TUB: variants seen among roughly 807,000 people sequenced by gnomAD.
The protein encoded by TUB is TUB bipartite transcription factor.
Under a neutral mutation model 59.7 loss-of-function variants are expected in TUB, and 33 were observed. That is an observed-to-expected ratio of 0.55 (90% CI 0.42 to 0.74). The LOEUF (loss-of-function observed/expected upper bound fraction) is 0.74, where lower values mean the gene tolerates loss of function less well. TUB is among the 30% of genes least tolerant of loss of function. TUB has a pLI of 0.00. For synonymous variants in TUB, 293 were observed against 256.4 expected, an observed-to-expected ratio of 1.14 and a Z score of -1.36; for missense variants, 659 against 672.0, an observed-to-expected ratio of 0.98 and a Z score of 0.21.
chr11:8,047,448 A>T (rs1942852570), intron 2 of TUB, among the ~76,000 whole-genome samples: 1 of 152,196 alleles, frequency 6.6e-6, no homozygotes, highest in Admixed American at 6.5e-5. Context: ...CCCTCAGTGG[A>T]AAGCCATGCA....
At chr11:8,097,082 C>T (rs1944029398) in intron 6 of TUB, 146 bp from the exon 7 acceptor site, 9 of 910,942 alleles carry the variant, frequency 9.9e-6, no homozygotes, top group Non-Finnish European at 3.3e-6. Context: ...TAGCTTCTGA[C>T]CCCAGGCCCA....
At chr11:8,082,100 CTG>C (rs1943580117) in intron 1 of TUB, among the ~76,000 whole-genome samples, 1 of 152,232 alleles carries the variant, frequency 6.6e-6, no homozygotes, top group African/African-American at 2.4e-5. Flanking sequence ...GCCTGCATAT[CTG>C]TGCACGTCCA....
intron 2 of TUB, among the ~76,000 whole-genome samples, chr11:8,070,022 T>C (rs749061027): frequency 1.3e-5 from 2 of 152,176 alleles, no homozygotes; most frequent in African/African-American, 2.4e-5. Flanking sequence ...GTGTTGCTGA[T>C]CGACACTAGC....
In TUB at chr11:8,098,724, G is replaced by A; in HGVS notation, c.999-34G>A. Reference sequence around the variant, plus strand: ...TGTTCCCTGCTCTGGGGCAGAGGGTGCATGACTCTATACTGATTGTGCCTT... The same window carrying A: ...TGTTCCCTGCTCTGGGGCAGAGGGTACATGACTCTATACTGATTGTGCCTT... On this transcript the variant is annotated intron_variant, in intron 8 of 11. Transcript: ENST00000299506. 3.3e-6 allele frequency: 5 copies of A among 1,500,030 alleles called. No homozygotes were observed. In the Middle Eastern group the frequency reaches 5.7e-4, roughly 171 times the overall value. 92.9% of individuals were successfully genotyped at this position (1,500,030 alleles called of 1,614,324 possible).
intron 1 of TUB, chr11:8,039,131 C>A: frequency 7.1e-7 from 1 of 1,407,684 alleles, no homozygotes; most frequent in Non-Finnish European, 9.5e-7. Flanking sequence ...CCAAGGCCTC[C>A]CCTTCCTGAT....
At chr11:8,098,665 G>A (rs1045795494) in intron 8 of TUB, 93 bp from the exon 9 acceptor site, 1 of 912,810 alleles carries the variant, frequency 1.1e-6, no homozygotes, top group Non-Finnish European at 1.7e-6. Context: ...AGCCCAGAAT[G>A]TTTTGCAGGC....
intron 2 of TUB, among the ~76,000 whole-genome samples, chr11:8,042,564 C>A (rs1051454020): frequency 6.6e-6 from 1 of 152,170 alleles, no homozygotes; most frequent in African/African-American, 2.4e-5. Context: ...ACATCCCCAC[C>A]AGTAGTATAT....
At chr11:8,056,606 G>A (rs1943025258) in intron 2 of TUB, among the ~76,000 whole-genome samples, 1 of 152,046 alleles carries the variant, frequency 6.6e-6, no homozygotes, top group Admixed American at 6.5e-5. Flanking sequence ...GGAATTTTGG[G>A]TACATATGCG....
chr11:8,081,589 CG>C, intron 1 of TUB, 41 bp downstream of exon 1: 2 of 1,493,334 alleles, frequency 1.3e-6, no homozygotes, highest in Non-Finnish European at 8.9e-7. Context: ...ACTCCCGACT[CG>C]GGACGTGAGC....
At chr11:8,038,316 C>T (rs1291833295), upstream of TUB, among the ~76,000 whole-genome samples, 1 of 152,108 alleles carries the variant, frequency 6.6e-6, no homozygotes, top group Non-Finnish European at 1.5e-5. Flanking sequence ...GATGGGAACA[C>T]CCAGGTGCAT....
chr11:8,098,684 G>C (rs2133888864), intron 8 of TUB, 74 bp from the exon 9 acceptor site: 3 of 1,163,282 alleles, frequency 2.6e-6, no homozygotes, highest in Non-Finnish European at 3.8e-6. Context: ...GCTCCTCATA[G>C]GACAGACGAT....
At chr11:8,033,088 C>T (rs1450594040) in intron 1 of TUB, among the ~76,000 whole-genome samples, 1 of 152,196 alleles carries the variant, frequency 6.6e-6, no homozygotes, top group Non-Finnish European at 1.5e-5. Context: ...CCAATATGAT[C>T]TGGGGGGGAA....
rs1202338568 is a variant in TUB, at chr11:8,101,495, T to C, written c.1397T>C (p.Ile466Thr). Residue 466 changes from isoleucine to threonine, a missense_variant, in exon 12 of 12, where the codon ATC becomes ACC. Coordinates refer to ENST00000299506, the MANE Select transcript of TUB (RefSeq NM_177972.3). Reference protein sequence around the residue: ...QIIHGNDPDYIVMQFGRVAED... With the variant: ...QIIHGNDPDYTVMQFGRVAED... ...CTGTGCTTGGCCCCAGCGGACTACA[T>C]CGTGATGCAGTTTGGCCGGGTAGCA... 4 of 1,614,222 alleles carry C rather than the reference T, an allele frequency of 2.5e-6. No homozygotes were observed. The highest frequency in any genetic ancestry group is 3.4e-6 in the Non-Finnish European group (4 of 1,180,034).
chr11:8,078,483 C>T (rs745820171), upstream of TUB, among the ~76,000 whole-genome samples: 13 of 152,084 alleles, frequency 8.5e-5, no homozygotes, highest in East Asian at 7.8e-4. Flanking sequence ...GTATAATATA[C>T]ATCATATGAC....
chr11:8,095,475 T>A, intron 4 of TUB, 23 bp from the exon 5 acceptor site: 1 of 1,593,822 alleles, frequency 6.3e-7, no homozygotes. Context: ...TGGATGTAAC[T>A]CAGGCGTGTC....
intron 2 of TUB, among the ~76,000 whole-genome samples, chr11:8,064,710 C>G (rs1943203799): frequency 1.3e-5 from 2 of 152,168 alleles, no homozygotes; most frequent in African/African-American, 4.8e-5. Context: ...GGGCATGAAA[C>G]CCAGTGATAG....
At chr11:8,058,815 C>T (rs1943067685) in intron 2 of TUB, among the ~76,000 whole-genome samples, 1 of 152,170 alleles carries the variant, frequency 6.6e-6, no homozygotes, top group South Asian at 2.1e-4. Context: ...TTAGGCGAAA[C>T]TCATTGAATG....
intron 1 of TUB, among the ~76,000 whole-genome samples, chr11:8,082,224 C>T (rs1282373274): frequency 1.3e-5 from 2 of 152,252 alleles, no homozygotes; most frequent in East Asian, 3.8e-4. Context: ...TAGACACACA[C>T]CAGCTCACAG....
chr11:8,032,733 T>C (rs1457690822), intron 1 of TUB, among the ~76,000 whole-genome samples: 1 of 152,142 alleles, frequency 6.6e-6, no homozygotes, highest in East Asian at 1.9e-4. Flanking sequence ...GAACATTTCT[T>C]TGGGGACCAT....
Sources: allele counts gnomAD v4.1 joint callset (sites outside exome capture counted in the v4.1 genomes callset), GRCh38; gene constraint gnomAD v4.1.1; transcripts MANE v1.5; gene names NCBI Gene and HGNC (gene_info 2026-07-23, HGNC 2026-07-21).